The following SNX29 variants were observed in gnomAD, a reference collection of about 807,000 sequenced individuals.
The protein encoded by SNX29 is sorting nexin 29, also known as sorting nexin-29.
In SNX29, 78 loss-of-function variants were observed where a neutral mutation model predicts 102.1. The observed-to-expected ratio is 0.76, with a 90% CI of 0.64 to 0.92. The LOEUF is 0.92. Among genes scored for constraint, SNX29 ranks in the 40% least tolerant of loss-of-function variants. The probability of loss-of-function intolerance (pLI) is 0.00; values close to 1 mark genes in which losing one functional copy is unlikely to be tolerated. For missense variants in SNX29, 1,280 were observed against 1,061.7 expected, an observed-to-expected ratio of 1.21 and a Z score of -2.86; for synonymous variants, 580 against 414.5, an observed-to-expected ratio of 1.40 and a Z score of -4.85.
At chr16:12,207,136 A>G (rs1407222074) in intron 14 of SNX29, among the ~76,000 whole-genome samples, 1 of 152,152 alleles carries the variant, frequency 6.6e-6, no homozygotes, top group Non-Finnish European at 1.5e-5. Context: ...CGGGAGGCCA[A>G]GACGGGTGGA....
In SNX29 at chr16:12,027,425, T is replaced by C. The variant is rs1567541994; in HGVS notation, c.228T>C (p.Phe76=). Residue 76 remains phenylalanine, a synonymous_variant, in exon 4 of 21, where the codon TTT becomes TTC. Transcript: ENST00000566228. ...TAAAIKQAAG[F]ASKTETEPVF... is the part of the protein sequence containing the mutation. ...CAGCGATCAAGCAGGCAGCGGGCTT[T>C]GCCAGCAAAACCGAAACAGGTACTG... The C allele has an allele frequency of 9.3e-6, 15 of 1,614,046 alleles. No homozygotes were observed. The highest frequency in any genetic ancestry group is 1.3e-5 in the Non-Finnish European group (15 of 1,179,960).
intron 16 of SNX29, among the ~76,000 whole-genome samples, chr16:12,391,003 T>C (rs995517875): frequency 6.6e-6 from 1 of 152,118 alleles, no homozygotes; most frequent in African/African-American, 2.4e-5. Context: ...TGGGGTGCAG[T>C]GGCGCAATCA....
intron 10 of SNX29, among the ~76,000 whole-genome samples, chr16:12,075,007 C>T (rs960400613): frequency 6.6e-6 from 1 of 152,208 alleles, no homozygotes; most frequent in Non-Finnish European, 1.5e-5. Context: ...CCTTGGCTTT[C>T]AGCTCCATCA....
At chr16:12,172,870 C>G (rs1487549851) in intron 13 of SNX29, among the ~76,000 whole-genome samples, 1 of 152,166 alleles carries the variant, frequency 6.6e-6, no homozygotes, top group South Asian at 2.1e-4. Context: ...ATACTTTCAG[C>G]TTTGTGGGCC....
rs117997298 is a variant in SNX29, at chr16:12,151,325, A to T, written c.1595+21567A>T. 7.0e-4 allele frequency among the ~76,000 whole-genome samples: 107 copies of T among 152,350 alleles called. 1 individual carries two copies. The East Asian group carries it at 0.02, about 29-fold the overall frequency. On this transcript the variant is annotated intron_variant, in intron 13 of 20. Transcript: ENST00000566228. The stretch of plus-strand genomic sequence containing the variant: ...ACACACACTATTACACAATAAAATT[A>T]GCAACAGTCTCTTAATATCTAAGTT...
chr16:12,534,480 G>T (rs540475447), intron 20 of SNX29, among the ~76,000 whole-genome samples: 2 of 152,180 alleles, frequency 1.3e-5, no homozygotes, highest in East Asian at 3.9e-4. Context: ...TTTTGTTTTC[G>T]GGGTTTGTTT....
chr16:12,258,894 C>T (rs1181555130), intron 14 of SNX29, among the ~76,000 whole-genome samples: 5 of 152,134 alleles, frequency 3.3e-5, no homozygotes, highest in African/African-American at 9.7e-5. Flanking sequence ...GGAAATTTCC[C>T]TGAGTCTCTG....
intron 14 of SNX29, among the ~76,000 whole-genome samples, chr16:12,203,223 A>C (rs905868893): frequency 2.4e-5 from 3 of 127,294 alleles, no homozygotes; most frequent in African/African-American, 9.0e-5. Flanking sequence ...GCGTGGCCCC[A>C]CTCTCGGGTG....
At chr16:12,238,251 G>C (rs1036007099) in intron 14 of SNX29, among the ~76,000 whole-genome samples, 3 of 150,994 alleles carry the variant, frequency 2.0e-5, no homozygotes, top group African/African-American at 7.3e-5. Context: ...AGGAAATTAA[G>C]GGGTAAGAAG....
intron 18 of SNX29, among the ~76,000 whole-genome samples, chr16:12,467,996 C>A (rs1011012013): frequency 2.6e-5 from 4 of 151,962 alleles, no homozygotes; most frequent in African/African-American, 7.2e-5. Context: ...TCTAACATCC[C>A]GGACCGGGCC....
intron 18 of SNX29, among the ~76,000 whole-genome samples, chr16:12,465,928 T>A (rs535777210): frequency 3.3e-5 from 5 of 152,306 alleles, no homozygotes; most frequent in African/African-American, 1.2e-4. Context: ...CCTAAGTATT[T>A]TATTTGACAA....
At chr16:12,186,005 G>C (rs1210548207) in intron 13 of SNX29, among the ~76,000 whole-genome samples, 1 of 152,156 alleles carries the variant, frequency 6.6e-6, no homozygotes, top group East Asian at 1.9e-4. Flanking sequence ...TAAAACCCCA[G>C]TATTTATCAA....
chr16:12,366,044 A>G (rs1032448532), intron 16 of SNX29, among the ~76,000 whole-genome samples: 15 of 87,474 alleles, frequency 1.7e-4, no homozygotes, highest in Admixed American at 6.2e-4. Flanking sequence ...TCTTGTCTCA[A>G]AAAAAAAAAA....
At chr16:12,028,625 A>G (rs190182981) in intron 4 of SNX29, among the ~76,000 whole-genome samples, 2 of 151,838 alleles carry the variant, frequency 1.3e-5, no homozygotes, top group East Asian at 2.0e-4. Context: ...CAGCCTGCCA[A>G]CTAGCTGGGA....
Position 12,052,119 on chromosome 16 carries a change from G to A in SNX29, c.1021G>A (p.Asp341Asn). Residue 341 changes from aspartate (D) to asparagine (N), a missense_variant, in exon 8 of 21, where the codon GAT becomes AAT. By Grantham distance (23) the Asp-to-Asn change is conservative. Coordinates refer to ENST00000566228, the MANE Select transcript of SNX29 (RefSeq NM_032167.5). ...LNGEFGYQKL[D>N]VKSIDDEDVD... Reference sequence around the variant, plus strand: ...CGGGGAGTTTGGGTACCAGAAGCTTGATGTGAAAAGCATCGATGATGAAGA... The same window carrying A: ...CGGGGAGTTTGGGTACCAGAAGCTTAATGTGAAAAGCATCGATGATGAAGA... The A allele has an allele frequency of 6.2e-7, 1 of 1,613,958 alleles. No individual in the cohort carries two copies. The highest frequency in any genetic ancestry group is 1.1e-5 in the South Asian group (1 of 91,066).
chr16:11,990,320 T>G (rs573930962), intron 1 of SNX29, among the ~76,000 whole-genome samples: 21 of 152,290 alleles, frequency 1.4e-4, no homozygotes, highest in African/African-American at 4.8e-4. Context: ...GGTATTGCTG[T>G]GAGGTACTGT....
intron 15 of SNX29, among the ~76,000 whole-genome samples, chr16:12,297,967 C>G (rs1485569259): frequency 1.3e-5 from 2 of 152,162 alleles, no homozygotes; most frequent in African/African-American, 4.8e-5. Context: ...GCCAAGAGTT[C>G]AAGAACAGCC....
intron 16 of SNX29, among the ~76,000 whole-genome samples, chr16:12,370,970 C>G (rs1354672794): frequency 1.3e-5 from 2 of 152,226 alleles, no homozygotes; most frequent in Admixed American, 6.5e-5. Flanking sequence ...TGGGCACCAC[C>G]TTGGTATTAC....
intron 18 of SNX29, among the ~76,000 whole-genome samples, chr16:12,423,272 A>G (rs778122529): frequency 6.6e-6 from 1 of 152,106 alleles, no homozygotes; most frequent in Non-Finnish European, 1.5e-5. Context: ...TTCATCACAT[A>G]AACGTAGATC....
Sources: gnomAD v4.1 joint callset for allele counts (sites outside exome capture counted in the v4.1 genomes callset) on GRCh38, gnomAD v4.1.1 for gene constraint, MANE v1.5 for transcripts, NCBI Gene and HGNC (gene_info 2026-07-23, HGNC 2026-07-21) for gene names.